The following CRELD1 variants were observed in gnomAD, a reference collection of about 807,000 sequenced individuals.
CRELD1 encodes the protein protein disulfide isomerase CRELD1.
A neutral mutation model predicts 58.2 loss-of-function variants in CRELD1; 42 were observed. The ratio of observed to expected loss-of-function variants is 0.72; its 90% CI spans 0.56 to 0.93. The LOEUF is 0.93. CRELD1 is among the 40% of genes least tolerant of loss of function. The probability of loss-of-function intolerance (pLI) is 0.00; values close to 1 mark genes in which losing one functional copy is unlikely to be tolerated. For missense variants in CRELD1, 500 were observed against 540.6 expected (o/e 0.92, Z 0.74); for synonymous variants, 222 against 202.0 (o/e 1.10, Z -0.84).
chr3:9,938,912 A>AC (rs1161336073), intron 5 of CRELD1, among the ~76,000 whole-genome samples: 4 of 151,778 alleles, frequency 2.6e-5, no homozygotes, highest in Non-Finnish European at 4.4e-5. Flanking sequence ...TAAACCCAGC[A>AC]CTTTGGGAGG....
intron 5 of CRELD1, among the ~76,000 whole-genome samples, chr3:9,940,632 C>T (rs1252235178): frequency 1.5e-5 from 2 of 137,672 alleles, no homozygotes; most frequent in South Asian, 2.5e-4. Flanking sequence ...AGTCCAGCTT[C>T]AGCTTGGCAT....
intron 7 of CRELD1, among the ~76,000 whole-genome samples, chr3:9,941,640 A>G (rs1265686134): frequency 6.6e-6 from 1 of 151,944 alleles, no homozygotes; most frequent in South Asian, 2.1e-4. Context: ...AATACAAAAA[A>G]TTAGCTGGGC....
chr3:9,941,451 C>A (rs1216223921), intron 7 of CRELD1, among the ~76,000 whole-genome samples: 2 of 152,230 alleles, frequency 1.3e-5, no homozygotes, highest in South Asian at 4.1e-4. Flanking sequence ...GATGGGGAAT[C>A]AGGAAAGGCT....
At chr3:9,934,376 G>A in intron 1 of CRELD1, 44 bp from the exon 2 acceptor site, 1 of 1,450,900 alleles carries the variant, frequency 6.9e-7, no homozygotes, top group Non-Finnish European at 9.7e-7. Context: ...CTCGCGTGGG[G>A]CCTGACTCCT....
intron 5 of CRELD1, among the ~76,000 whole-genome samples, chr3:9,940,486 C>G (rs905268351): frequency 4.6e-5 from 7 of 152,098 alleles, no homozygotes; most frequent in Admixed American, 3.9e-4. Flanking sequence ...GCCAACACAG[C>G]GAAACCCCGT....
intron 8 of CRELD1, 68 bp from the exon 9 acceptor site, chr3:9,943,009 G>A (rs2085410137): frequency 2.0e-5 from 31 of 1,559,544 alleles, no homozygotes; most frequent in Non-Finnish European, 2.6e-5. Flanking sequence ...CCAGGCCTCC[G>A]CTTCTGGAGC....
chr3:9,943,432 A>G lies in CRELD1; in HGVS notation c.965A>G (p.Glu322Gly). 1 of 1,614,058 alleles carries G rather than the reference A, an allele frequency of 6.2e-7. No individual in the cohort carries two copies. Among genetic ancestry groups the G allele is most frequent in the Non-Finnish European group, 8.5e-7 (1 of 1,180,000 alleles). The stretch of plus-strand genomic sequence containing the variant: ...TGTCCGGGAGAGAACAAGCAGTGTG[A>G]AAACACCGAGGGCGGTTATCGCTGC... ...EVCPGENKQC[E>G]NTEGGYRCIC... The change falls in exon 10 of 11, where the codon GAA becomes GGA. Residue 322 changes from glutamate to glycine, a missense_variant. Glu to Gly is a moderately conservative substitution (Grantham distance 98, BLOSUM62 -2). Transcript: ENST00000452070.
At chr3:9,935,166 G>A (rs2085146960) in intron 3 of CRELD1, 4 of 469,076 alleles carry the variant, frequency 8.5e-6, no homozygotes, top group Admixed American at 3.4e-5. Context: ...AGTGAAGCAC[G>A]GTAGACTGCA....
chr3:9,940,413 C>A (rs1385380455), intron 5 of CRELD1, among the ~76,000 whole-genome samples: 8 of 152,140 alleles, frequency 5.3e-5, no homozygotes, highest in Admixed American at 2.6e-4. Flanking sequence ...CGTCTGCAAT[C>A]CCGGCACCTC....
At chr3:9,938,221 G>A (rs1041532498) in intron 5 of CRELD1, 115 bp downstream of exon 5, 2 of 811,488 alleles carry the variant, frequency 2.5e-6, no homozygotes, top group Middle Eastern at 2.2e-4. Context: ...AAACTTCTCT[G>A]GACCTCAGTT....
chr3:9,937,284 G>A (rs1321628315), intron 3 of CRELD1, among the ~76,000 whole-genome samples: 1 of 152,148 alleles, frequency 6.6e-6, no homozygotes, highest in African/African-American at 2.4e-5. Flanking sequence ...TGCAGGAACT[G>A]ATGTATGTTA....
At chr3:9,935,591 AGTG>A (rs1226781529) in intron 3 of CRELD1, 1 of 152,878 alleles carries the variant, frequency 6.5e-6, no homozygotes, top group Non-Finnish European at 1.5e-5. Context: ...TGTGGTATCT[AGTG>A]GAGGACATGA....
chr3:9,938,152 C>A, intron 5 of CRELD1, 46 bp downstream of exon 5: 1 of 1,397,816 alleles, frequency 7.2e-7, no homozygotes, highest in South Asian at 1.2e-5. Flanking sequence ...ACCACCGAGT[C>A]CAGGGATCCA....
chr3:9,941,589 G>A (rs865886019), intron 7 of CRELD1, among the ~76,000 whole-genome samples: 7 of 152,038 alleles, frequency 4.6e-5, no homozygotes, highest in African/African-American at 1.4e-4. Context: ...AGGAGATCGA[G>A]ACCATCCTGG....
In CRELD1 at chr3:9,944,013, C is replaced by T. The variant is rs139717648; in HGVS notation, c.1049-352C>T. 5.4e-4 allele frequency: 501 copies of T among 930,388 alleles called. 1 individual carries two copies. The African/African-American group carries it at 7.4e-3, about 14-fold the overall frequency. The allele number at this position is 930,388 out of a possible 1,614,324, so 57.6% of individuals were successfully genotyped here. A position where few individuals can be genotyped will look rare whatever the true frequency, so the allele number is the denominator to read the frequency against. ...ATGAAGATGCAGAGAGATGAAGCTA[C>T]TTTCCCAGGGCTATATGGCAAGCAA... On this transcript the variant is annotated intron_variant, in intron 10 of 10. Transcript: ENST00000452070.
At chr3:9,938,131 G>T in intron 5 of CRELD1, 25 bp downstream of exon 5, 1 of 1,555,320 alleles carries the variant, frequency 6.4e-7, no homozygotes, top group East Asian at 2.2e-5. Context: ...TGCTCTTGGG[G>T]ATGGGAGGGG....
rs563884237 is a variant in CRELD1 at position 9,940,920 on chromosome 3, C to T, written c.531C>T (p.Gly177=). Residue 177 remains glycine, a synonymous_variant, in exon 6 of 11, where the codon GGC becomes GGT. Transcript: ENST00000452070. The stretch of plus-strand genomic sequence containing the variant: ...GTGAAGGAGAAGGGACACGAGGGGG[C>T]AGCGGGCACTGTGACTGCCAAGCCG... The part of the protein sequence containing the change: ...GQCEGEGTRG[G]SGHCDCQAGY... 6.2e-7 allele frequency: 1 copy of T among 1,614,016 alleles called. No homozygotes were observed. The highest frequency in any genetic ancestry group is 1.1e-5 in the South Asian group (1 of 91,068).
chr3:9,943,655 G>C, intron 10 of CRELD1, 140 bp downstream of exon 10: 1 of 1,564,874 alleles, frequency 6.4e-7, no homozygotes, highest in South Asian at 1.2e-5. Context: ...CTGAGACCGG[G>C]CTCTACATCT....
rs2085488916 is a variant in CRELD1, at chr3:9,945,305, G to A, written c.*726G>A. The A allele has an allele frequency of 6.4e-6, 1 of 155,406 alleles. No individual in the cohort carries two copies. Among genetic ancestry groups the A allele is most frequent in the Non-Finnish European group, 1.4e-5 (1 of 70,140 alleles). 9.6% of individuals were successfully genotyped at this position (155,406 alleles called of 1,614,324 possible). ...GGGCTTCATAATGCTTTCCACTCAG[G>A]CTTAACATGAGAATTAAATGAGGTG... On this transcript the variant is annotated 3_prime_UTR_variant, in exon 11 of 11. Coordinates refer to ENST00000452070, the MANE Select transcript of CRELD1 (RefSeq NM_001077415.3).
Sources: gnomAD v4.1 joint callset for allele counts (sites outside exome capture counted in the v4.1 genomes callset) on GRCh38, gnomAD v4.1.1 for gene constraint, MANE v1.5 for transcripts, NCBI Gene and HGNC (gene_info 2026-07-23, HGNC 2026-07-21) for gene names.